Variants in PTPRK observed in about 807,000 individuals in gnomAD.
The protein encoded by PTPRK is receptor-type tyrosine-protein phosphatase kappa.
In PTPRK, 75 loss-of-function variants were observed where a neutral mutation model predicts 178.0. The ratio of observed to expected loss-of-function variants is 0.42; its 90% confidence interval spans 0.35 to 0.51. The LOEUF (loss-of-function observed/expected upper bound fraction) is 0.51. PTPRK is among the 20% of genes least tolerant of loss of function. The pLI, the probability that PTPRK is intolerant of heterozygous loss-of-function variation, is 0.02. For missense variants in PTPRK, 1,441 were observed against 1,797.8 expected (o/e 0.80, Z 3.59); for synonymous variants, 637 against 620.6 (o/e 1.03, Z -0.39).
chr6:128,370,116 G>A (rs1374522482), intron 2 of PTPRK, among the ~76,000 whole-genome samples: 15 of 152,056 alleles, frequency 9.9e-5, no homozygotes, highest in Admixed American at 9.8e-4. Context: ...TTGTTCCCTT[G>A]CACATAACAG....
chr6:128,291,896 G>A (rs1378952034), intron 3 of PTPRK, among the ~76,000 whole-genome samples: 1 of 151,980 alleles, frequency 6.6e-6, no homozygotes, highest in Admixed American at 6.6e-5. Flanking sequence ...TCTTGTTGTA[G>A]AAAAAGGGCA....
chr6:128,005,326 A>G, intron 14 of PTPRK, 82 bp from the exon 15 acceptor site: 2 of 1,368,296 alleles, frequency 1.5e-6, no homozygotes, highest in South Asian at 2.7e-5. Context: ...AGTCCAGGTG[A>G]GCCCGAGGAT....
chr6:128,492,328 C>G (rs76783241), intron 1 of PTPRK, among the ~76,000 whole-genome samples: 2,692 of 152,256 alleles, frequency 0.018, 80 homozygotes, highest in African/African-American at 0.062. Flanking sequence ...GCCTCTTCAG[C>G]ATGTTCCCAG....
At chr6:128,173,896 C>G (rs1800666153) in intron 7 of PTPRK, among the ~76,000 whole-genome samples, 1 of 151,898 alleles carries the variant, frequency 6.6e-6, no homozygotes, top group Admixed American at 6.6e-5. Context: ...ACAAATTATT[C>G]TAAGCATTCT....
chr6:128,414,345 G>A (rs978032402), intron 1 of PTPRK, among the ~76,000 whole-genome samples: 5 of 152,218 alleles, frequency 3.3e-5, no homozygotes, highest in South Asian at 2.1e-4. Context: ...CGTCTCCATC[G>A]CGGGACCCCT....
intron 3 of PTPRK, among the ~76,000 whole-genome samples, chr6:128,317,282 T>G (rs557472349): frequency 1.4e-3 from 216 of 152,284 alleles, no homozygotes; most frequent in Non-Finnish European, 2.7e-3. Flanking sequence ...CGTTCAAATA[T>G]TAATACAAGT....
chr6:128,146,408 ATGTGTGTGTGTGTTTATG>A (rs1336988287), intron 7 of PTPRK, among the ~76,000 whole-genome samples: 4 of 145,168 alleles, frequency 2.8e-5, no homozygotes, highest in Non-Finnish European at 1.5e-5. Flanking sequence ...GTGTGTGTTT[ATGTGTGTGTGTGTTTATG>A]TGTGTGTGTG....
intron 7 of PTPRK, among the ~76,000 whole-genome samples, chr6:128,149,288 A>G (rs949969244): frequency 6.6e-6 from 1 of 151,958 alleles, no homozygotes; most frequent in African/African-American, 2.4e-5. Flanking sequence ...TGTACCCTAG[A>G]ACTTAAAGTA....
intron 1 of PTPRK, among the ~76,000 whole-genome samples, chr6:128,420,982 T>C (rs771371891): frequency 5.3e-5 from 8 of 152,230 alleles, no homozygotes; most frequent in Middle Eastern, 3.2e-3. Flanking sequence ...TTGATATTTA[T>C]ATGTTATTGT....
At chr6:128,441,574 T>C (rs1335870348) in intron 1 of PTPRK, among the ~76,000 whole-genome samples, 1 of 152,170 alleles carries the variant, frequency 6.6e-6, no homozygotes, top group Non-Finnish European at 1.5e-5. Flanking sequence ...CTTTCATTCT[T>C]GACCAGCTAG....
At chr6:128,064,682 A>T in intron 13 of PTPRK, 76 bp downstream of exon 13, 1 of 1,514,934 alleles carries the variant, frequency 6.6e-7, no homozygotes, top group Admixed American at 2.5e-5. Context: ...TTAGCCCTGA[A>T]GCAGGGAACA....
intron 13 of PTPRK, among the ~76,000 whole-genome samples, chr6:128,052,106 T>TA (rs1346342153): frequency 1.3e-5 from 2 of 152,172 alleles, no homozygotes; most frequent in Admixed American, 6.6e-5. Flanking sequence ...CATATTTTAG[T>TA]ATAACAGCTT....
chr6:128,146,428 G>A (rs867059684), intron 7 of PTPRK, among the ~76,000 whole-genome samples: 35 of 133,064 alleles, frequency 2.6e-4, no homozygotes, highest in Non-Finnish European at 5.4e-4. Context: ...GTGTTTATGT[G>A]TGTGTGTGTG....
intron 1 of PTPRK, among the ~76,000 whole-genome samples, chr6:128,490,344 C>T (rs1853590654): frequency 6.6e-6 from 1 of 152,180 alleles, no homozygotes; most frequent in South Asian, 2.1e-4. Context: ...CAAACCAGAG[C>T]AAACTGCCAA....
chr6:128,234,637 G>A (rs143481836), intron 5 of PTPRK, among the ~76,000 whole-genome samples: 2 of 152,242 alleles, frequency 1.3e-5, no homozygotes, highest in African/African-American at 4.8e-5. Flanking sequence ...ATCCATTCAC[G>A]CTGTTGCATT....
chr6:127,992,793 A>G (rs187856968), intron 18 of PTPRK, 84 bp from the exon 19 acceptor site: 26 of 1,092,302 alleles, frequency 2.4e-5, no homozygotes, highest in Admixed American at 4.7e-5. Context: ...GAAGACAACC[A>G]CCTGTTAAGA....
At chr6:128,348,695 T>C (rs1832737756) in intron 2 of PTPRK, among the ~76,000 whole-genome samples, 1 of 152,058 alleles carries the variant, frequency 6.6e-6, no homozygotes, top group South Asian at 2.1e-4. Flanking sequence ...AATGGTCGAA[T>C]TGAAGAGAAT....
intron 2 of PTPRK, among the ~76,000 whole-genome samples, chr6:128,335,341 A>G (rs1406486903): frequency 1.3e-5 from 2 of 152,050 alleles, no homozygotes; most frequent in South Asian, 2.1e-4. Context: ...TTTACAAAGT[A>G]CTATCACCTA....
chr6:128,504,108 A>T (rs1253576692), intron 1 of PTPRK, among the ~76,000 whole-genome samples: 1 of 152,128 alleles, frequency 6.6e-6, no homozygotes, highest in Admixed American at 6.5e-5. Flanking sequence ...TGCTCACATA[A>T]AAGACAACAC....
Sources: allele counts gnomAD v4.1 joint callset (sites outside exome capture counted in the v4.1 genomes callset), GRCh38; gene constraint gnomAD v4.1.1; transcripts MANE v1.5; gene names NCBI Gene and HGNC (gene_info 2026-07-23, HGNC 2026-07-21).